The following SLC35F2 variants were observed in gnomAD, a reference collection of about 807,000 sequenced individuals.
SLC35F2 encodes the protein queuine/queuosine transporter SLC35F2.
SLC35F2 carries 25 observed loss-of-function variants against 38.1 expected under a neutral mutation model. That is an observed-to-expected ratio of 0.66 (90% CI 0.48 to 0.92). SLC35F2 has a LOEUF of 0.92. SLC35F2 is among the 40% of genes least tolerant of loss of function. The pLI is 0.00. For missense variants in SLC35F2, 409 were observed against 452.9 expected (o/e 0.90, Z 0.88); for synonymous variants, 173 against 181.7 (o/e 0.95, Z 0.38).
chr11:107,852,101 C>A (rs995674970), intron 1 of SLC35F2, among the ~76,000 whole-genome samples: 11 of 152,112 alleles, frequency 7.2e-5, no homozygotes, highest in Non-Finnish European at 1.2e-4. Context: ...GTATCCCAGA[C>A]CTGTTGCTAG....
chr11:107,853,018 A>G (rs931321796), intron 1 of SLC35F2, among the ~76,000 whole-genome samples: 13 of 152,122 alleles, frequency 8.5e-5, no homozygotes, highest in Non-Finnish European at 1.9e-4. Flanking sequence ...TCAAAAAAAC[A>G]AAGTAATGTG....
rs1348243845 is a variant in SLC35F2 at position 107,791,125 on chromosome 11, A to G, written c.*1490T>C. The G allele has an allele frequency of 6.6e-6, 1 of 152,648 alleles. No individual in the cohort carries two copies. Among genetic ancestry groups the G allele is most frequent in the African/African-American group, 2.4e-5 (1 of 41,456 alleles). 9.5% of individuals were successfully genotyped at this position (152,648 alleles called of 1,614,324 possible). A position where few individuals can be genotyped will look rare whatever the true frequency, so the allele number is the denominator to read the frequency against. Reference sequence around the variant, plus strand: ...TTGGTTGTTATTATACTGATGACACATATTAACACTTTGTATTGAAGAAGT... The same window carrying G: ...TTGGTTGTTATTATACTGATGACACGTATTAACACTTTGTATTGAAGAAGT... On this transcript the variant is annotated 3_prime_UTR_variant, in exon 8 of 8. Transcript: ENST00000525815.
intron 1 of SLC35F2, among the ~76,000 whole-genome samples, chr11:107,829,942 TA>T (rs1233615176): frequency 9.2e-5 from 14 of 152,056 alleles, no homozygotes; most frequent in Admixed American, 9.2e-4. Context: ...AAATTTCAAA[TA>T]AAATTTATAT....
At chr11:107,830,067 G>C (rs1859813842) in intron 1 of SLC35F2, among the ~76,000 whole-genome samples, 1 of 151,720 alleles carries the variant, frequency 6.6e-6, no homozygotes, top group Non-Finnish European at 1.5e-5. Flanking sequence ...TTGGAGACCA[G>C]CCTGGGCAAA....
chr11:107,814,626 T>C (rs1430300866), intron 2 of SLC35F2, among the ~76,000 whole-genome samples: 1 of 152,084 alleles, frequency 6.6e-6, no homozygotes, highest in East Asian at 1.9e-4. Context: ...GAATGCACAA[T>C]ACCAAGAGCG....
intron 1 of SLC35F2, among the ~76,000 whole-genome samples, chr11:107,841,558 C>CAAAA (rs59699944): frequency 2.1e-5 from 2 of 95,516 alleles, no homozygotes; most frequent in African/African-American, 4.0e-5. Flanking sequence ...GACTCCAACT[C>CAAAA]AAAAAAAAAA....
intron 4 of SLC35F2, 189 bp downstream of exon 4, chr11:107,806,528 A>G: frequency 1.7e-6 from 1 of 580,060 alleles, no homozygotes; most frequent in Non-Finnish European, 3.2e-6. Flanking sequence ...TGAAGATTGG[A>G]TGAATTCATA....
chr11:107,842,898 G>A lies in SLC35F2; in HGVS notation c.110+15760C>T, dbSNP rs1054129122. Among the ~76,000 whole-genome samples, 7 of 152,028 alleles carry A rather than the reference G, an allele frequency of 4.6e-5. No homozygotes were observed. The East Asian group carries it at 5.8e-4, about 13-fold the overall frequency. ...GTCTGTATACAATAGCAAAAAACCC[G>A]GAAAAAACCCAAATGCCCATCAACA... is the stretch of plus-strand genomic sequence containing the variant. On this transcript the variant is annotated intron_variant, in intron 1 of 7. Coordinates refer to ENST00000525815, the MANE Select transcript of SLC35F2 (RefSeq NM_017515.5).
intron 1 of SLC35F2, among the ~76,000 whole-genome samples, chr11:107,845,104 TA>T (rs1214832567): frequency 2.0e-4 from 31 of 152,238 alleles, no homozygotes; most frequent in African/African-American, 7.5e-4. Flanking sequence ...TCTTGCTTCA[TA>T]TCACAGTGAA....
At chr11:107,840,404 T>A (rs532809195) in intron 1 of SLC35F2, among the ~76,000 whole-genome samples, 2 of 152,232 alleles carry the variant, frequency 1.3e-5, no homozygotes, top group African/African-American at 4.8e-5. Context: ...AGAAGCCACA[T>A]AAAATGTTCA....
chr11:107,836,166 T>G (rs1859927218), intron 1 of SLC35F2, among the ~76,000 whole-genome samples: 1 of 152,242 alleles, frequency 6.6e-6, no homozygotes, highest in Non-Finnish European at 1.5e-5. Context: ...TGTAAAAGAT[T>G]GTGGGTGAAA....
intron 4 of SLC35F2, 133 bp from the exon 5 acceptor site, chr11:107,805,648 A>T: frequency 6.9e-7 from 1 of 1,451,300 alleles, no homozygotes; most frequent in South Asian, 1.5e-5. Context: ...CTAGAAGTTT[A>T]TGTGTGAGAG....
At chr11:107,825,039 A>G (rs994692583) in intron 1 of SLC35F2, among the ~76,000 whole-genome samples, 1 of 151,444 alleles carries the variant, frequency 6.6e-6, no homozygotes, top group Non-Finnish European at 1.5e-5. Context: ...GAGAATGGCT[A>G]CCAAATTAGA....
chr11:107,840,013 T>C (rs1859990877), intron 1 of SLC35F2, among the ~76,000 whole-genome samples: 1 of 152,108 alleles, frequency 6.6e-6, no homozygotes, highest in African/African-American at 2.4e-5. Context: ...CTTAAGTCTA[T>C]TGCCTAGATT....
chr11:107,843,202 T>C (rs1397061831), intron 1 of SLC35F2, among the ~76,000 whole-genome samples: 1 of 152,132 alleles, frequency 6.6e-6, no homozygotes, highest in Non-Finnish European at 1.5e-5. Context: ...GTGACTATCT[T>C]TGGTCTAGGT....
chr11:107,850,579 T>G (rs564016927), intron 1 of SLC35F2, among the ~76,000 whole-genome samples: 1 of 152,092 alleles, frequency 6.6e-6, no homozygotes, highest in African/African-American at 2.4e-5. Context: ...CCCAGCACAT[T>G]GGGAGGCCGA....
chr11:107,835,526 G>A (rs1859917981), intron 1 of SLC35F2, among the ~76,000 whole-genome samples: 1 of 151,866 alleles, frequency 6.6e-6, no homozygotes, highest in Non-Finnish European at 1.5e-5. Flanking sequence ...AGCCTCCTGG[G>A]CTCAAGTGAT....
intron 5 of SLC35F2, 26 bp downstream of exon 5, chr11:107,805,333 T>A: frequency 6.3e-7 from 1 of 1,580,598 alleles, no homozygotes; most frequent in Middle Eastern, 1.7e-4. Flanking sequence ...TTATTTTGTC[T>A]TTAGAAAAAA....
At chr11:107,798,793 G>A (rs118165072) in intron 7 of SLC35F2, among the ~76,000 whole-genome samples, 2,760 of 152,288 alleles carry the variant, frequency 0.018, 65 homozygotes, top group East Asian at 0.1. Context: ...ACTACTTCTT[G>A]GCCAGGCTCA....
Sources: gnomAD v4.1 joint callset for allele counts (sites outside exome capture counted in the v4.1 genomes callset) on GRCh38, gnomAD v4.1.1 for gene constraint, MANE v1.5 for transcripts, NCBI Gene and HGNC (gene_info 2026-07-23, HGNC 2026-07-21) for gene names.